LCOR: variants seen among roughly 807,000 people sequenced by gnomAD.
LCOR encodes the protein ligand-dependent corepressor.
A neutral mutation model predicts 64.4 loss-of-function variants in LCOR; 14 were observed. That is an observed-to-expected ratio of 0.22 (90% CI 0.14 to 0.34). The LOEUF (loss-of-function observed/expected upper bound fraction) is 0.34, where lower values mean the gene tolerates loss of function less well. Among genes scored for constraint, LCOR ranks in the 10% least tolerant of loss-of-function variants. The pLI, the probability that LCOR is intolerant of heterozygous loss-of-function variation, is 1.00. For missense variants in LCOR, 1,686 were observed against 1,765.3 expected (o/e 0.96, Z 0.80); for synonymous variants, 643 against 642.5 (o/e 1.00, Z -0.01).
intron 2 of LCOR, among the ~76,000 whole-genome samples, chr10:96,878,758 T>C (rs1846212005): frequency 6.6e-6 from 1 of 152,108 alleles, no homozygotes; most frequent in Non-Finnish European, 1.5e-5. Context: ...TTGATGTTTT[T>C]GTATTGTGTT....
At chr10:96,977,797 C>G (rs903037875) in intron 7 of LCOR, among the ~76,000 whole-genome samples, 2 of 152,120 alleles carry the variant, frequency 1.3e-5, no homozygotes, top group African/African-American at 2.4e-5. Context: ...TTAAGTCTCC[C>G]AGGTAGCTGG....
At chr10:96,908,754 C>T (rs1846774450) in intron 4 of LCOR, among the ~76,000 whole-genome samples, 1 of 149,762 alleles carries the variant, frequency 6.7e-6, no homozygotes, top group East Asian at 2.0e-4. Flanking sequence ...CTCACTCTGT[C>T]ATCCAGGCTG....
At chr10:96,895,719 C>A (rs1042163687) in intron 2 of LCOR, among the ~76,000 whole-genome samples, 5 of 152,172 alleles carry the variant, frequency 3.3e-5, no homozygotes, top group African/African-American at 1.2e-4. Context: ...GTACTTCATA[C>A]CTTAACTACC....
chr10:96,952,590 T>G (rs2134528707), intron 7 of LCOR, among the ~76,000 whole-genome samples: 1 of 151,454 alleles, frequency 6.6e-6, no homozygotes, highest in South Asian at 2.1e-4. Flanking sequence ...TGTGTTCATT[T>G]TTGTTTGTTT....
intron 2 of LCOR, among the ~76,000 whole-genome samples, chr10:96,903,111 C>A (rs777551836): frequency 1.3e-5 from 2 of 152,046 alleles, no homozygotes; most frequent in Non-Finnish European, 2.9e-5. Context: ...AAAATTGTCA[C>A]ACGTGGATAG....
chr10:96,939,331 T>TA (rs1230013129), intron 4 of LCOR, among the ~76,000 whole-genome samples: 1 of 152,192 alleles, frequency 6.6e-6, no homozygotes, highest in Non-Finnish European at 1.5e-5. Context: ...ACCCCTTCCT[T>TA]ACGCCATACA....
At chr10:96,877,123 C>A (rs1846180854) in intron 2 of LCOR, among the ~76,000 whole-genome samples, 1 of 152,164 alleles carries the variant, frequency 6.6e-6, no homozygotes, top group Non-Finnish European at 1.5e-5. Context: ...CAGGGGCCAT[C>A]TTGTGTGCTC....
chr10:96,981,198 T>G lies in LCOR; in HGVS notation c.738T>G (p.Asp246Glu). 1 of 744,770 alleles carries G rather than the reference T, an allele frequency of 1.3e-6. No homozygotes were observed. The highest frequency in any genetic ancestry group is 2.4e-6 in the Non-Finnish European group (1 of 422,874). The allele number at this position is 744,770 out of a possible 1,614,324, so 46.1% of individuals were successfully genotyped here. A position where few individuals can be genotyped will look rare whatever the true frequency, so the allele number is the denominator to read the frequency against. Residue 246 changes from aspartate to glutamate, a missense_variant, in exon 8 of 8, where the codon GAT (aspartate) becomes GAG (glutamate). By Grantham distance (45) the Asp-to-Glu change is conservative (BLOSUM62 2). Around this residue, in one of 3 missense-constraint regions of LCOR, gnomAD observed 313 missense variants for 247.2 expected, o/e 1.27. Transcript: ENST00000421806. ...ATGCCTTGACTGTTGTCCAGAAAGA[T>G]TCCTCTGAACTTCCAACCACTAAAT... is the stretch of plus-strand genomic sequence containing the variant. ...RENALTVVQK[D>E]SSELPTTKSN... is the part of the protein sequence containing the mutation.
intron 4 of LCOR, among the ~76,000 whole-genome samples, chr10:96,933,018 A>G (rs1847289475): frequency 6.6e-6 from 1 of 152,274 alleles, no homozygotes; most frequent in Admixed American, 6.5e-5. Flanking sequence ...AAACTGGTCT[A>G]ATTGCAAATT....
At chr10:96,951,729 A>G (rs916505306) in intron 6 of LCOR, among the ~76,000 whole-genome samples, 20 of 152,148 alleles carry the variant, frequency 1.3e-4, no homozygotes, top group Non-Finnish European at 4.4e-5. Context: ...CCATTGTGGG[A>G]CATTAAAAAC....
chr10:96,975,515 C>T (rs973095718), intron 7 of LCOR, among the ~76,000 whole-genome samples: 8 of 151,710 alleles, frequency 5.3e-5, no homozygotes, highest in African/African-American at 1.7e-4. Flanking sequence ...TCTTTGTTAC[C>T]TTTATTCCTA....
intron 4 of LCOR, among the ~76,000 whole-genome samples, chr10:96,911,081 T>C (rs913862938): frequency 2.0e-5 from 3 of 151,166 alleles, no homozygotes; most frequent in African/African-American, 7.3e-5. Context: ...GCCAGTTATT[T>C]TTACATGTTC....
chr10:96,940,151 G>GT (rs1366764426), intron 4 of LCOR, among the ~76,000 whole-genome samples: 1 of 152,192 alleles, frequency 6.6e-6, no homozygotes, highest in Non-Finnish European at 1.5e-5. Context: ...TCATGAGTAT[G>GT]TGGAGAAGTC....
At chr10:96,833,259 GC>G in intron 1 of LCOR, 146 bp from the exon 2 acceptor site, 1 of 957,114 alleles carries the variant, frequency 1.0e-6, no homozygotes, top group Non-Finnish European at 1.2e-6. Flanking sequence ...TGCCCCGTCC[GC>G]CCCCCGCCTC....
chr10:96,963,465 A>G (rs1408819873), intron 7 of LCOR: 1 of 152,184 alleles, frequency 6.6e-6, no homozygotes, highest in African/African-American at 2.4e-5. Context: ...TAGTTTATGC[A>G]ATGTCTTTAG....
chr10:96,928,294 A>G (rs1221429924), intron 4 of LCOR, among the ~76,000 whole-genome samples: 1 of 152,210 alleles, frequency 6.6e-6, no homozygotes, highest in African/African-American at 2.4e-5. Flanking sequence ...AGTTTGCTTA[A>G]TATTCTATAT....
At chr10:96,973,244 CCTA>C (rs761341511) in intron 7 of LCOR, among the ~76,000 whole-genome samples, 15 of 152,160 alleles carry the variant, frequency 9.9e-5, no homozygotes, top group Non-Finnish European at 1.5e-4. Context: ...CACTGCTTCT[CCTA>C]AGCCAGTTCT....
intron 4 of LCOR, among the ~76,000 whole-genome samples, chr10:96,918,125 C>T (rs531961646): frequency 2.6e-5 from 4 of 152,144 alleles, no homozygotes; most frequent in Non-Finnish European, 4.4e-5. Context: ...GCACAAAATA[C>T]TGAGTTTTAT....
At chr10:96,960,565 T>TA (rs1847863810) in intron 7 of LCOR, 1 of 152,208 alleles carries the variant, frequency 6.6e-6, no homozygotes, top group African/African-American at 2.4e-5. Flanking sequence ...GTGCTCCACT[T>TA]TATGTTTTTT....
Sources: gnomAD v4.1 joint callset for allele counts (sites outside exome capture counted in the v4.1 genomes callset) on GRCh38, gnomAD v4.1.1 for gene constraint, gnomAD v4.1.1 regional missense constraint, MANE v1.5 for transcripts, NCBI Gene and HGNC (gene_info 2026-07-23, HGNC 2026-07-21) for gene names.